The following STIM1 variants were observed in gnomAD, a reference collection of about 807,000 sequenced individuals.
STIM1 encodes the protein stromal interaction molecule 1.
Under a neutral mutation model 74.7 loss-of-function variants are expected in STIM1, and 25 were observed. The observed-to-expected ratio is 0.33, with a 90% CI of 0.24 to 0.47. STIM1 has a LOEUF of 0.47. Among genes scored for constraint, STIM1 ranks in the 20% least tolerant of loss-of-function variants. The pLI is 1.00. For missense variants in STIM1, 728 were observed against 920.8 expected (o/e 0.79, Z 2.71); for synonymous variants, 328 against 348.8 (o/e 0.94, Z 0.66).
chr11:3,972,238 C>G (rs964659235), intron 2 of STIM1, among the ~76,000 whole-genome samples: 1 of 152,170 alleles, frequency 6.6e-6, no homozygotes, highest in Non-Finnish European at 1.5e-5. Context: ...TGGACTGTAA[C>G]CCCAGTTACA....
intron 1 of STIM1, among the ~76,000 whole-genome samples, chr11:3,946,236 C>T (rs2093071853): frequency 6.6e-6 from 1 of 152,148 alleles, no homozygotes; most frequent in African/African-American, 2.4e-5. Flanking sequence ...AGAGACTTGC[C>T]CTCTCTACAC....
At chr11:3,995,088 T>G (rs2093651711) in intron 2 of STIM1, among the ~76,000 whole-genome samples, 1 of 150,786 alleles carries the variant, frequency 6.6e-6, no homozygotes, top group South Asian at 2.1e-4. Flanking sequence ...ATCATGATTT[T>G]TTTTTTTTTA....
intron 8 of STIM1, 31 bp from the exon 9 acceptor site, chr11:4,082,851 T>C: frequency 1.9e-6 from 3 of 1,591,680 alleles, no homozygotes; most frequent in Non-Finnish European, 2.6e-6. Flanking sequence ...GAATCCCTGC[T>C]CTTTTTGAGC....
rs1207631262 is a variant in STIM1 at position 3,941,583 on chromosome 11, A to ATGTG, written c.140-25968_140-25967insGTGT. On this transcript the variant is annotated intron_variant, in intron 1 of 12. Coordinates refer to ENST00000526596, the MANE Select transcript of STIM1 (RefSeq NM_001382567.1). ...TAGTATTGCCATAGAAGAAGCATATATATGTGTGTGTGTGTGTGTGTGTGT... is the reference window on the plus strand; with the variant it reads ...TAGTATTGCCATAGAAGAAGCATATATGTGTATGTGTGTGTGTGTGTGTGTGTGT... 9.5e-5 allele frequency among the ~76,000 whole-genome samples: 11 copies of ATGTG among 115,958 alleles called. No homozygotes were observed. The East Asian group carries it at 3.2e-3, about 34-fold the overall frequency. 76.1% of individuals were successfully genotyped at this position (115,958 alleles called of 152,430 possible).
chr11:4,044,569 A>G (rs1259144790), intron 3 of STIM1, among the ~76,000 whole-genome samples: 1 of 152,176 alleles, frequency 6.6e-6, no homozygotes, highest in Non-Finnish European at 1.5e-5. Context: ...TGTTCAGACT[A>G]TAGTGACTCC....
At chr11:3,954,200 C>G (rs1399988830) in intron 1 of STIM1, among the ~76,000 whole-genome samples, 1 of 152,130 alleles carries the variant, frequency 6.6e-6, no homozygotes, top group Non-Finnish European at 1.5e-5. Context: ...TCAGTGGTAA[C>G]TCCTGCTTGT....
Position 3,942,658 on chromosome 11 carries a change from G to T in STIM1, c.140-24894G>T, listed in dbSNP as rs371763439. Among the ~76,000 whole-genome samples, 389 of 152,268 alleles carry T rather than the reference G, an allele frequency of 2.6e-3. 2 individuals carry two copies. Among genetic ancestry groups the T allele is most frequent in the African/African-American group, 8.5e-3 (354 of 41,552 alleles). Reference sequence around the variant, plus strand: ...TGGTTTCGTATGGGTTGTTTGCTTTGCTCTCTGTTTATACAGCATTAAAGG... The same window carrying T: ...TGGTTTCGTATGGGTTGTTTGCTTTTCTCTCTGTTTATACAGCATTAAAGG... On this transcript the variant is annotated intron_variant, in intron 1 of 12. Transcript: ENST00000526596.
intron 2 of STIM1, among the ~76,000 whole-genome samples, chr11:3,981,255 A>G (rs957729038): frequency 1.3e-5 from 2 of 152,176 alleles, no homozygotes; most frequent in African/African-American, 4.8e-5. Flanking sequence ...TTGTTCTCCT[A>G]CAGTGGGAAG....
Position 3,856,203 on chromosome 11 carries a change from G to C in STIM1, c.-68G>C. On this transcript the variant is annotated 5_prime_UTR_variant, in exon 1 of 13. Coordinates refer to ENST00000526596, the MANE Select transcript of STIM1 (RefSeq NM_001382567.1). Reference sequence around the variant, plus strand: ...TGGAGACCGTCGGCTGCACTCCCGGGCTCCTGGCTTTGCCTCTGGGATCCC... The same window carrying C: ...TGGAGACCGTCGGCTGCACTCCCGGCCTCCTGGCTTTGCCTCTGGGATCCC... The C allele has an allele frequency of 6.2e-7, 1 of 1,607,266 alleles. No individual in the cohort carries two copies. The highest frequency in any genetic ancestry group is 8.5e-7 in the Non-Finnish European group (1 of 1,175,992).
intron 1 of STIM1, among the ~76,000 whole-genome samples, chr11:3,939,526 C>T (rs1030818590): frequency 1.3e-5 from 2 of 152,042 alleles, no homozygotes; most frequent in Admixed American, 6.5e-5. Flanking sequence ...TAAAAAAATA[C>T]AGCTTTTTTA....
intron 1 of STIM1, among the ~76,000 whole-genome samples, chr11:3,905,481 T>C (rs1027941112): frequency 5.3e-5 from 8 of 151,996 alleles, no homozygotes; most frequent in African/African-American, 1.7e-4. Flanking sequence ...TCTCCCTGAA[T>C]ACTTCATACT....
chr11:4,033,026 A>T (rs2094065002), intron 3 of STIM1, among the ~76,000 whole-genome samples: 1 of 151,954 alleles, frequency 6.6e-6, no homozygotes, highest in South Asian at 2.1e-4. Flanking sequence ...TCTTGAATTG[A>T]TTTTTGTATA....
At chr11:4,087,194 A>T (rs948799482) in intron 12 of STIM1, among the ~76,000 whole-genome samples, 2 of 151,990 alleles carry the variant, frequency 1.3e-5, no homozygotes, top group Non-Finnish European at 2.9e-5. Context: ...ACTAATGCCT[A>T]CTCTGTGCCA....
At chr11:3,983,169 A>G (rs117296926) in intron 2 of STIM1, among the ~76,000 whole-genome samples, 2 of 152,276 alleles carry the variant, frequency 1.3e-5, no homozygotes, top group East Asian at 3.9e-4. Context: ...CCTGGTTTCC[A>G]GTAATCGGCC....
Position 4,093,153 on chromosome 11 carries a change from G to A in STIM1, c.*1355G>A, listed in dbSNP as rs1298343981. ...TGGACACCCTCAAATGGGGTTTTCT[G>A]TGTTATTTCATAAAATTCTTTGAAG... On this transcript the variant is annotated 3_prime_UTR_variant, in exon 13 of 13. Transcript: ENST00000526596. 1 of 152,656 alleles carries A rather than the reference G, an allele frequency of 6.6e-6. No individual in the cohort carries two copies. The highest frequency in any genetic ancestry group is 1.9e-4 in the East Asian group (1 of 5,206). 9.5% of individuals were successfully genotyped at this position (152,656 alleles called of 1,614,324 possible). A position where few individuals can be genotyped will look rare whatever the true frequency, so the allele number is the denominator to read the frequency against.
At chr11:4,037,317 C>T (rs989242420) in intron 3 of STIM1, among the ~76,000 whole-genome samples, 1 of 152,204 alleles carries the variant, frequency 6.6e-6, no homozygotes, top group African/African-American at 2.4e-5. Flanking sequence ...TCACAAAGTA[C>T]TGGAATTACA....
At chr11:4,049,158 G>A (rs1262476942) in intron 3 of STIM1, among the ~76,000 whole-genome samples, 1 of 152,216 alleles carries the variant, frequency 6.6e-6, no homozygotes, top group East Asian at 1.9e-4. Context: ...TGTTGCAAAT[G>A]ACCATTCAGT....
At chr11:3,884,475 G>A (rs1310948333) in intron 1 of STIM1, among the ~76,000 whole-genome samples, 4 of 152,132 alleles carry the variant, frequency 2.6e-5, no homozygotes, top group Admixed American at 2.6e-4. Flanking sequence ...TAGCTTGCCT[G>A]GGACACTGAC....
intron 6 of STIM1, among the ~76,000 whole-genome samples, chr11:4,073,518 G>T (rs1442726): frequency 1.3e-5 from 2 of 152,106 alleles, no homozygotes; most frequent in Non-Finnish European, 2.9e-5. Context: ...CTCAGTGGCA[G>T]GGAGAGCTTT....
Sources: allele counts gnomAD v4.1 joint callset (sites outside exome capture counted in the v4.1 genomes callset), GRCh38; gene constraint gnomAD v4.1.1; transcripts MANE v1.5; gene names NCBI Gene and HGNC (gene_info 2026-07-23, HGNC 2026-07-21).